Variants in RORB observed in about 807,000 individuals in gnomAD.
RORB encodes the protein nuclear receptor ROR-beta.
RORB carries 6 observed loss-of-function variants against 59.1 expected under a neutral mutation model. That is an observed-to-expected ratio of 0.10 (90% CI 0.06 to 0.20). RORB has a LOEUF of 0.20. Among genes scored for constraint, RORB ranks in the 10% least tolerant of loss-of-function variants. RORB has a pLI of 1.00. For missense variants in RORB, 320 were observed against 560.5 expected (o/e 0.57, Z 4.33); for synonymous variants, 215 against 204.5 (o/e 1.05, Z -0.44).
At chr9:74,553,006 A>G (rs963280225) in intron 1 of RORB, among the ~76,000 whole-genome samples, 8 of 152,126 alleles carry the variant, frequency 5.3e-5, no homozygotes, top group Admixed American at 5.2e-4. Context: ...AGTATCAGAA[A>G]GAAGGTCACT....
intron 1 of RORB, among the ~76,000 whole-genome samples, chr9:74,589,086 A>G (rs1432649036): frequency 6.6e-6 from 1 of 152,222 alleles, no homozygotes; most frequent in Admixed American, 6.5e-5. Context: ...TGGATGTCCA[A>G]TTACAGAGCA....
chr9:74,505,961 G>T (rs1445452753), intron 1 of RORB, among the ~76,000 whole-genome samples: 1 of 150,662 alleles, frequency 6.6e-6, no homozygotes, highest in East Asian at 1.9e-4. Context: ...AAGGAAGAGG[G>T]TACAGCTTGT....
At chr9:74,677,864 T>C (rs1481209721) in intron 9 of RORB, among the ~76,000 whole-genome samples, 1 of 152,250 alleles carries the variant, frequency 6.6e-6, no homozygotes, top group East Asian at 1.9e-4. Context: ...AGGAAGAGTT[T>C]CTAAAATTCA....
At chr9:74,682,402 G>A (rs929345236) in intron 9 of RORB, among the ~76,000 whole-genome samples, 3 of 151,654 alleles carry the variant, frequency 2.0e-5, no homozygotes, top group African/African-American at 4.8e-5. Context: ...CCTGCACGTT[G>A]TGCACATGTA....
intron 1 of RORB, among the ~76,000 whole-genome samples, chr9:74,526,231 C>A (rs543398107): frequency 6.6e-6 from 1 of 152,006 alleles, no homozygotes; most frequent in South Asian, 2.1e-4. Context: ...TTCACAAAAA[C>A]CCCCAAAATG....
chr9:74,671,958 G>C (rs1824353528), intron 9 of RORB, 57 bp downstream of exon 9: 1 of 966,584 alleles, frequency 1.0e-6, no homozygotes, highest in African/African-American at 1.7e-5. Context: ...TGAGCAAAAA[G>C]GACTGCTTAT....
intron 9 of RORB, among the ~76,000 whole-genome samples, chr9:74,675,607 T>G (rs565857168): frequency 4.7e-4 from 72 of 152,322 alleles, no homozygotes; most frequent in African/African-American, 1.7e-3. Flanking sequence ...AAGACTGATT[T>G]TGCCAAGTCT....
intron 9 of RORB, among the ~76,000 whole-genome samples, chr9:74,679,899 A>G (rs1445088387): frequency 6.6e-6 from 1 of 152,118 alleles, no homozygotes; most frequent in Admixed American, 6.5e-5. Context: ...TCAAGAGGTC[A>G]AGACCAGACT....
intron 1 of RORB, among the ~76,000 whole-genome samples, chr9:74,517,428 C>T (rs1216567017): frequency 1.3e-5 from 2 of 151,932 alleles, no homozygotes; most frequent in African/African-American, 4.8e-5. Context: ...CAGAAAGGTA[C>T]GGCGTGGTGG....
chr9:74,523,280 T>C (rs1034910567), intron 1 of RORB, among the ~76,000 whole-genome samples: 1 of 151,734 alleles, frequency 6.6e-6, no homozygotes, highest in African/African-American at 2.4e-5. Context: ...CTCTTTTTCA[T>C]TGATTTTATC....
At chr9:74,662,433 G>A in intron 5 of RORB, 41 bp from the exon 6 acceptor site, 1 of 1,605,904 alleles carries the variant, frequency 6.2e-7, no homozygotes, top group East Asian at 2.2e-5. Flanking sequence ...CTCTCCGTAA[G>A]TCGTTTGCCC....
chr9:74,621,490 T>C (rs1244877753), intron 1 of RORB, among the ~76,000 whole-genome samples: 3 of 152,260 alleles, frequency 2.0e-5, no homozygotes, highest in African/African-American at 7.2e-5. Context: ...TGTTCACCTG[T>C]TGAAGGACAT....
chr9:74,651,534 CA>C (rs11288734), intron 4 of RORB, among the ~76,000 whole-genome samples: 120,588 of 140,892 alleles, frequency 0.86, 51,483 homozygotes, highest in Non-Finnish European at 0.89. Flanking sequence ...GACTCTGTCT[CA>C]AAAAAAAAAA....
At chr9:74,673,600 T>C (rs1824385109) in intron 9 of RORB, among the ~76,000 whole-genome samples, 1 of 152,102 alleles carries the variant, frequency 6.6e-6, no homozygotes. Context: ...TGGTTATGAT[T>C]TGAGGTATGT....
At chr9:74,682,836 C>T (rs1824569731) in intron 9 of RORB, among the ~76,000 whole-genome samples, 1 of 152,248 alleles carries the variant, frequency 6.6e-6, no homozygotes, top group South Asian at 2.1e-4. Flanking sequence ...AAGCGATCCT[C>T]TTGCCTCAGC....
intron 1 of RORB, among the ~76,000 whole-genome samples, chr9:74,602,966 T>C (rs1741536018): frequency 6.6e-6 from 1 of 152,176 alleles, no homozygotes; most frequent in African/African-American, 2.4e-5. Flanking sequence ...CTAGCTAATG[T>C]AAACGAGTAT....
intron 1 of RORB, among the ~76,000 whole-genome samples, chr9:74,596,382 T>C (rs1822971641): frequency 2.6e-5 from 4 of 152,230 alleles, no homozygotes; most frequent in Admixed American, 2.6e-4. Context: ...CTTCCAGTTC[T>C]GATAACTCAG....
chr9:74,615,568 T>G (rs943222698), intron 1 of RORB: 1 of 452,192 alleles, frequency 2.2e-6, no homozygotes, highest in African/African-American at 2.0e-5. Context: ...AGTATCATAT[T>G]TTTCAGTTAG....
At chr9:74,545,326 A>T (rs936723720) in intron 1 of RORB, among the ~76,000 whole-genome samples, 3 of 152,126 alleles carry the variant, frequency 2.0e-5, no homozygotes, top group Non-Finnish European at 4.4e-5. Flanking sequence ...TTCTAGTTGG[A>T]GTAAGATTGC....
Sources: gnomAD v4.1 joint callset for allele counts (sites outside exome capture counted in the v4.1 genomes callset) on GRCh38, gnomAD v4.1.1 for gene constraint, MANE v1.5 for transcripts, NCBI Gene and HGNC (gene_info 2026-07-23, HGNC 2026-07-21) for gene names.